FBXL20: variants seen among roughly 807,000 people sequenced by gnomAD.
FBXL20 encodes F-box/LRR-repeat protein 20.
In FBXL20, 11 loss-of-function variants were observed where a neutral mutation model predicts 64.0. The ratio of observed to expected loss-of-function variants is 0.17; its 90% CI spans 0.11 to 0.28. The LOEUF (loss-of-function observed/expected upper bound fraction) is 0.28, where lower values mean the gene tolerates loss of function less well. FBXL20 is among the 10% of genes least tolerant of loss of function. The pLI, the probability that FBXL20 is intolerant of heterozygous loss-of-function variation, is 1.00. For synonymous variants in FBXL20, 184 were observed against 189.0 expected (o/e 0.97, Z 0.22); for missense variants, 303 against 526.2 (o/e 0.58, Z 4.15).
At chr17:39,363,815 A>AAAAAAAAACAAC (rs1567896954) in intron 1 of FBXL20, among the ~76,000 whole-genome samples, 1 of 141,940 alleles carries the variant, frequency 7.0e-6, no homozygotes. Context: ...TATCTCAAAA[A>AAAAAAAAACAAC]AAAAAAAAAA....
chr17:39,310,832 A>C (rs2047228418), intron 2 of FBXL20, among the ~76,000 whole-genome samples: 1 of 152,074 alleles, frequency 6.6e-6, no homozygotes, highest in Non-Finnish European at 1.5e-5. Flanking sequence ...CTAAAATACA[A>C]AAATTAGTCA....
At chr17:39,391,463 T>C (rs974590443) in intron 1 of FBXL20, among the ~76,000 whole-genome samples, 1 of 151,962 alleles carries the variant, frequency 6.6e-6, no homozygotes, top group Non-Finnish European at 1.5e-5. Flanking sequence ...GTTGAGACAA[T>C]GTAGGTCCAG....
rs11652210 is a variant in FBXL20, at chr17:39,272,601, C to T, written c.828-1745G>A. Among the ~76,000 whole-genome samples the T allele has an allele frequency of 3.0e-4, 44 of 148,494 alleles. 1 individual carries two copies. Among genetic ancestry groups the T allele is most frequent in the Middle Eastern group, 3.6e-3 (1 of 278 alleles). Reference sequence around the variant, plus strand: ...CCTGTAATCCTGCCTACTCTGGAGGCTGAGGCACGAAAATTGCTTGAACCT... The same window carrying T: ...CCTGTAATCCTGCCTACTCTGGAGGTTGAGGCACGAAAATTGCTTGAACCT... On this transcript the variant is annotated intron_variant, in intron 10 of 14. Transcript: ENST00000264658.
At chr17:39,320,227 C>T (rs1166496930) in intron 2 of FBXL20, among the ~76,000 whole-genome samples, 1 of 149,428 alleles carries the variant, frequency 6.7e-6, no homozygotes, top group African/African-American at 2.5e-5. Flanking sequence ...GATCAACTAT[C>T]TATACTTGCC....
intron 9 of FBXL20, among the ~76,000 whole-genome samples, chr17:39,276,541 T>C (rs1029957593): frequency 6.6e-6 from 1 of 151,952 alleles, no homozygotes. Context: ...CAGTGGCGGA[T>C]GCCTGTAATC....
rs1002433079 is a variant in FBXL20 at position 39,329,278 on chromosome 17, AAATTT to A, written c.104+13897_104+13901del. Among the ~76,000 whole-genome samples, 17 of 152,332 alleles carry A rather than the reference AAATTT, an allele frequency of 1.1e-4. No individual in the cohort carries two copies. In the South Asian group the frequency reaches 1.4e-3, roughly 13 times the overall value. On this transcript the variant is annotated intron_variant, in intron 2 of 14. Transcript: ENST00000264658. ...ATATTCTAACCCAAATCCATAAGTT[AAATTT>A]AATAATGAAGGACATTCTACAAAGT...
At chr17:39,306,368 T>G (rs1446209334) in intron 2 of FBXL20, among the ~76,000 whole-genome samples, 1 of 152,096 alleles carries the variant, frequency 6.6e-6, no homozygotes, top group Non-Finnish European at 1.5e-5. Flanking sequence ...TATTTTTTCT[T>G]TCATTTCCTG....
Position 39,292,123 on chromosome 17 carries a change from A to G in FBXL20, c.398+5004T>C, listed in dbSNP as rs942411234. ...GTGTAGCAATCTATAAATGTCAATT[A>G]TATCAAGTTCATTGATAGTGTTGCT... On this transcript the variant is annotated intron_variant, in intron 6 of 14. Coordinates refer to ENST00000264658, the MANE Select transcript of FBXL20 (RefSeq NM_032875.3). Among the ~76,000 whole-genome samples, 12 of 150,724 alleles carry G rather than the reference A, an allele frequency of 8.0e-5. 1 individual carries two copies. Among genetic ancestry groups the G allele is most frequent in the African/African-American group, 2.7e-4 (11 of 40,304 alleles).
chr17:39,322,132 C>T (rs2047362194), intron 2 of FBXL20, among the ~76,000 whole-genome samples: 1 of 137,374 alleles, frequency 7.3e-6, no homozygotes, highest in Non-Finnish European at 1.5e-5. Context: ...TCGTGATCAG[C>T]CTGGAAAACA....
At chr17:39,386,038 A>C (rs1367915914) in intron 1 of FBXL20, among the ~76,000 whole-genome samples, 2 of 148,516 alleles carry the variant, frequency 1.3e-5, no homozygotes, top group Middle Eastern at 3.6e-3. Flanking sequence ...AAAAAAAAAA[A>C]AAAAAAACAC....
chr17:39,396,448 T>C (rs1346849062), intron 1 of FBXL20, among the ~76,000 whole-genome samples: 1 of 151,580 alleles, frequency 6.6e-6, no homozygotes, highest in Non-Finnish European at 1.5e-5. Context: ...ATACAAAAAT[T>C]AGTTGTGCAT....
In FBXL20 at chr17:39,280,350, C is replaced by T. The variant is rs533060442; in HGVS notation, c.696+1039G>A. ...CCCGGGAAGCAGGGTTGCAGTGAGC[C>T]GAGATAGCGTCACTGCACTCTAGCC... On this transcript the variant is annotated intron_variant, in intron 9 of 14. Transcript: ENST00000264658. Among the ~76,000 whole-genome samples, 314 of 146,320 alleles carry T rather than the reference C, an allele frequency of 2.1e-3. 2 individuals are homozygous for T. Among genetic ancestry groups the T allele is most frequent in the African/African-American group, 7.6e-3 (299 of 39,350 alleles).
chr17:39,396,071 GAAAAA>G (rs71300072), intron 1 of FBXL20, among the ~76,000 whole-genome samples: 9 of 108,978 alleles, frequency 8.3e-5, no homozygotes, highest in Non-Finnish European at 1.7e-4. Context: ...AAGACTTTTC[GAAAAA>G]AAAAAAAAAA....
chr17:39,370,969 A>T (rs1434286287), intron 1 of FBXL20, among the ~76,000 whole-genome samples: 1 of 152,148 alleles, frequency 6.6e-6, no homozygotes, highest in East Asian at 1.9e-4. Context: ...CTATAATCCC[A>T]GCACTTTTGG....
intron 2 of FBXL20, among the ~76,000 whole-genome samples, chr17:39,338,077 C>T (rs1386612964): frequency 1.3e-5 from 2 of 152,028 alleles, no homozygotes; most frequent in African/African-American, 2.4e-5. Context: ...ATGACAATGG[C>T]GCTTTTGTGG....
At chr17:39,262,086 G>A (rs2046751850) in intron 14 of FBXL20, among the ~76,000 whole-genome samples, 1 of 151,940 alleles carries the variant, frequency 6.6e-6, no homozygotes, top group Non-Finnish European at 1.5e-5. Flanking sequence ...AGGCACGTAA[G>A]AGGCTCTGGT....
chr17:39,321,943 T>C (rs1004612790), intron 2 of FBXL20, among the ~76,000 whole-genome samples: 2 of 152,052 alleles, frequency 1.3e-5, no homozygotes, highest in African/African-American at 4.8e-5. Context: ...CTAAGATAAA[T>C]ACTCAAATCT....
chr17:39,282,376 A>G (rs984635076), intron 8 of FBXL20, among the ~76,000 whole-genome samples: 2 of 152,234 alleles, frequency 1.3e-5, no homozygotes, highest in African/African-American at 4.8e-5. Context: ...AATTGCTAAG[A>G]CTGCCTTCTT....
chr17:39,303,660 G>A, intron 2 of FBXL20, 21 bp from the exon 3 acceptor site: 2 of 1,594,376 alleles, frequency 1.3e-6, no homozygotes, highest in Non-Finnish European at 1.7e-6. Flanking sequence ...AAGAGAGAAA[G>A]ACAAATTTTA....
Sources: allele counts gnomAD v4.1 joint callset (sites outside exome capture counted in the v4.1 genomes callset), GRCh38; gene constraint gnomAD v4.1.1; transcripts MANE v1.5; gene names NCBI Gene and HGNC (gene_info 2026-07-23, HGNC 2026-07-21).